Variants in COP1 observed in about 807,000 individuals in gnomAD.
COP1 encodes the protein COP1 E3 ubiquitin ligase, also known as E3 ubiquitin-protein ligase COP1.
COP1 carries 24 observed loss-of-function variants against 101.3 expected under a neutral mutation model. That is an observed-to-expected ratio of 0.24 (90% CI 0.17 to 0.33). The LOEUF is 0.33. Ranked by LOEUF, COP1 falls within the 10% of genes least tolerant of loss-of-function variation. The pLI is 1.00. For synonymous variants in COP1, 347 were observed against 341.9 expected, an observed-to-expected ratio of 1.01 and a Z score of -0.17; for missense variants, 663 against 906.2, an observed-to-expected ratio of 0.73 and a Z score of 3.45.
chr1:176,188,671 A>G (rs958596422), intron 1 of COP1, among the ~76,000 whole-genome samples: 2 of 152,072 alleles, frequency 1.3e-5, no homozygotes, highest in Non-Finnish European at 1.5e-5. Context: ...GCGATCAGTG[A>G]TCTTTGATGT....
intron 18 of COP1, among the ~76,000 whole-genome samples, chr1:175,960,427 T>C (rs1387330993): frequency 1.3e-5 from 2 of 152,292 alleles, no homozygotes; most frequent in African/African-American, 4.8e-5. Context: ...ATGTATCTTA[T>C]AAGTGATCTT....
At chr1:176,058,185 G>T (rs930948409) in intron 11 of COP1, among the ~76,000 whole-genome samples, 5 of 92,092 alleles carry the variant, frequency 5.4e-5, no homozygotes, top group African/African-American at 2.2e-4. Flanking sequence ...CGGTAGGGAG[G>T]GGGGGGGTCA....
chr1:176,144,825 T>C (rs186231383), intron 6 of COP1, among the ~76,000 whole-genome samples: 1 of 152,152 alleles, frequency 6.6e-6, no homozygotes, highest in Non-Finnish European at 1.5e-5. Flanking sequence ...GATATCCATA[T>C]GAAAATATCT....
chr1:175,979,087 C>T (rs1036688954), intron 18 of COP1, among the ~76,000 whole-genome samples: 1 of 152,054 alleles, frequency 6.6e-6, no homozygotes, highest in Non-Finnish European at 1.5e-5. Context: ...CAAACTTCTT[C>T]CCAGTGGTAA....
rs116456087 is a variant in COP1 at position 175,980,076 on chromosome 1, A to T, written c.2133+6867T>A. 4.8e-3 allele frequency among the ~76,000 whole-genome samples: 727 copies of T among 152,178 alleles called. 2 individuals are homozygous for T. Among genetic ancestry groups the T allele is most frequent in the Non-Finnish European group, 7.7e-3 (522 of 67,996 alleles). On this transcript the variant is annotated intron_variant, in intron 18 of 19. Coordinates refer to ENST00000367669, the MANE Select transcript of COP1 (RefSeq NM_022457.7). Reference sequence around the variant, plus strand: ...ATCACCACATTTTAACATTATAACAACCCTAGAAGATAAGTGGCTATTATT... The same window carrying T: ...ATCACCACATTTTAACATTATAACATCCCTAGAAGATAAGTGGCTATTATT...
intron 11 of COP1, among the ~76,000 whole-genome samples, chr1:176,048,575 T>TATGA (rs1671917906): frequency 6.6e-6 from 1 of 152,198 alleles, no homozygotes; most frequent in East Asian, 1.9e-4. Flanking sequence ...CTCATGTCAC[T>TATGA]GAAGGAGAAA....
At chr1:176,063,100 C>T (rs1371614683) in intron 11 of COP1, among the ~76,000 whole-genome samples, 2 of 130,748 alleles carry the variant, frequency 1.5e-5, no homozygotes, top group Non-Finnish European at 3.1e-5. Flanking sequence ...TCGCCCAGGC[C>T]GGACTGCGGA....
intron 3 of COP1, among the ~76,000 whole-genome samples, chr1:176,171,124 C>CAAAAAA (rs1174700907): frequency 2.1e-4 from 12 of 56,816 alleles, no homozygotes; most frequent in East Asian, 5.8e-4. Flanking sequence ...GACTCCATCT[C>CAAAAAA]AAAAAAAAAA....
chr1:176,183,283 C>A (rs571007405), intron 2 of COP1, among the ~76,000 whole-genome samples: 1 of 152,090 alleles, frequency 6.6e-6, no homozygotes. Flanking sequence ...CATAAAATTA[C>A]GGGCCTGATT....
At chr1:176,140,155 T>A (rs1690446997) in intron 6 of COP1, among the ~76,000 whole-genome samples, 2 of 152,164 alleles carry the variant, frequency 1.3e-5, no homozygotes, top group South Asian at 4.1e-4. Flanking sequence ...ATGTTCCATC[T>A]CCTAATACCT....
At chr1:176,151,050 C>CT (rs1401738182) in intron 5 of COP1, among the ~76,000 whole-genome samples, 1 of 151,926 alleles carries the variant, frequency 6.6e-6, no homozygotes, top group Admixed American at 6.6e-5. Flanking sequence ...ATATAATGTT[C>CT]TATTAGAACA....
chr1:175,991,573 C>T (rs1056425231), intron 15 of COP1, among the ~76,000 whole-genome samples: 1 of 152,270 alleles, frequency 6.6e-6, no homozygotes, highest in African/African-American at 2.4e-5. Context: ...CCTTACCTTA[C>T]AGTGATTTTC....
intron 14 of COP1, among the ~76,000 whole-genome samples, chr1:176,029,598 T>C (rs1386879774): frequency 1.3e-5 from 2 of 152,184 alleles, no homozygotes; most frequent in Admixed American, 1.3e-4. Context: ...ATCCAGGACA[T>C]TATCCAGAGA....
intron 1 of COP1, among the ~76,000 whole-genome samples, chr1:176,192,913 T>C (rs2102163394): frequency 6.6e-6 from 1 of 152,342 alleles, no homozygotes; most frequent in East Asian, 1.9e-4. Flanking sequence ...TTAAGTTTTA[T>C]TTCACAACTA....
In COP1 at chr1:176,207,193, A is replaced by T. The variant is rs1023327425; in HGVS notation, c.-215T>A. 1 of 414,226 alleles carries T rather than the reference A, an allele frequency of 2.4e-6. No homozygotes were observed. The highest frequency in any genetic ancestry group is 4.2e-6 in the Non-Finnish European group (1 of 237,912). The allele number at this position is 414,226 out of a possible 1,614,324, so 25.7% of individuals were successfully genotyped here. A position where few individuals can be genotyped will look rare whatever the true frequency, so the allele number is the denominator to read the frequency against. ...GAGGAAACTAAAAAAGCGGAGTAGA[A>T]GGCACTACCGCTGTCGAGGCCGCCG... On this transcript the variant is annotated 5_prime_UTR_variant, in exon 1 of 20. Coordinates refer to ENST00000367669, the MANE Select transcript of COP1 (RefSeq NM_022457.7).
At chr1:176,058,308 G>A (rs867108510) in intron 11 of COP1, among the ~76,000 whole-genome samples, 1 of 152,160 alleles carries the variant, frequency 6.6e-6, no homozygotes, top group Non-Finnish European at 1.5e-5. Flanking sequence ...TGACAATGGC[G>A]GTTTTGTGGA....
At chr1:176,094,544 T>C (rs1265633312) in intron 9 of COP1, among the ~76,000 whole-genome samples, 1 of 151,900 alleles carries the variant, frequency 6.6e-6, no homozygotes, top group Admixed American at 6.6e-5. Context: ...AACAGAAATA[T>C]TTATCAACTA....
At chr1:176,010,826 C>T (rs1664527986) in intron 15 of COP1, among the ~76,000 whole-genome samples, 1 of 152,032 alleles carries the variant, frequency 6.6e-6, no homozygotes, top group Non-Finnish European at 1.5e-5. Flanking sequence ...ATACTTTAAG[C>T]CAACAAGATG....
intron 11 of COP1, among the ~76,000 whole-genome samples, chr1:176,065,216 T>G (rs530227860): frequency 6.6e-6 from 1 of 152,332 alleles, no homozygotes; most frequent in South Asian, 2.1e-4. Context: ...TTAGGTCAAG[T>G]GTTAGTATGT....
Sources: allele counts gnomAD v4.1 joint callset (sites outside exome capture counted in the v4.1 genomes callset), GRCh38; gene constraint gnomAD v4.1.1; transcripts MANE v1.5; gene names NCBI Gene and HGNC (gene_info 2026-07-23, HGNC 2026-07-21).